The following TIMELESS variants were observed in gnomAD, a reference collection of about 807,000 sequenced individuals.
TIMELESS encodes the protein timeless circadian regulator.
A neutral mutation model predicts 164.3 loss-of-function variants in TIMELESS; 124 were observed. The observed-to-expected ratio is 0.75, with a 90% CI of 0.65 to 0.88. The LOEUF is 0.88. Ranked by LOEUF, TIMELESS falls within the 40% of genes least tolerant of loss-of-function variation. The pLI, the probability that TIMELESS is intolerant of heterozygous loss-of-function variation, is 0.00. For synonymous variants in TIMELESS, 564 were observed against 563.4 expected, an observed-to-expected ratio of 1.00 and a Z score of -0.02; for missense variants, 1,422 against 1,491.4, an observed-to-expected ratio of 0.95 and a Z score of 0.77.
chr12:56,448,661 G>A (rs1290149486), intron 1 of TIMELESS, among the ~76,000 whole-genome samples: 3 of 151,960 alleles, frequency 2.0e-5, no homozygotes, highest in Admixed American at 1.3e-4. Flanking sequence ...CCCGGGAGGC[G>A]GAGGTTGCAG....
At chr12:56,429,203 A>ATTTT in intron 10 of TIMELESS, 103 bp from the exon 11 acceptor site, 1 of 925,424 alleles carries the variant, frequency 1.1e-6, no homozygotes, top group Non-Finnish European at 1.5e-6. Context: ...CACCGTCATA[A>ATTTT]TTTTTTTTTT....
In TIMELESS at chr12:56,433,799, G is replaced by A; in HGVS notation, c.225C>T (p.Asp75=). 6.2e-7 allele frequency: 1 copy of A among 1,608,548 alleles called. No homozygotes were observed. Among genetic ancestry groups the A allele is most frequent in the Non-Finnish European group, 8.5e-7 (1 of 1,178,690 alleles). Residue 75 remains aspartate, a synonymous_variant, in exon 3 of 29, where the codon GAC becomes GAT. Coordinates refer to ENST00000553532, the MANE Select transcript of TIMELESS (RefSeq NM_003920.5). ...LLPILTQHHQ[D]KPLFDAVIRL... ...TGATAACAGCATCAAAGAGAGGCTT[G>A]TCCTGGTGGTGCTGGGTGAGGATGG...
At chr12:56,431,627 G>A (rs201283257) in intron 7 of TIMELESS, 23 bp from the exon 8 acceptor site, 2 of 1,603,776 alleles carry the variant, frequency 1.2e-6, no homozygotes, top group African/African-American at 2.7e-5. Context: ...AAAGAGGGAA[G>A]AATCAGGAGG....
Position 56,420,840 on chromosome 12 carries a change from G to T in TIMELESS, c.3082C>A (p.Arg1028=). 1 of 1,614,164 alleles carries T rather than the reference G, an allele frequency of 6.2e-7. No individual in the cohort carries two copies. The highest frequency in any genetic ancestry group is 1.1e-5 in the South Asian group (1 of 91,080). Residue 1028 remains arginine, a synonymous_variant, in exon 25 of 29, where the codon CGA becomes AGA. Transcript: ENST00000553532. Reference sequence around the variant, plus strand: ...TCCTCTTCCCGATCATCAGCTGCTCGGATCAGGCAGTTCTGGAGCCATAGG... The same window carrying T: ...TCCTCTTCCCGATCATCAGCTGCTCTGATCAGGCAGTTCTGGAGCCATAGG... ...PLLWLQNCLI[R]AADDREEDGC... is the part of the protein sequence containing the mutation.
Position 56,421,476 on chromosome 12 carries a change from T to G in TIMELESS, c.2743A>C (p.Met915Leu). 6.2e-7 allele frequency: 1 copy of G among 1,613,690 alleles called. No homozygotes were observed. Among genetic ancestry groups the G allele is most frequent in the South Asian group, 1.1e-5 (1 of 91,054 alleles). The part of the protein sequence containing the change: ...RDSDDVLGHI[M>L]KNITAKRSRA... ...GAGCGTTTGGCTGTGATATTCTTCA[T>G]GATATGACCCAGGACATCTATAAAA... is the stretch of plus-strand genomic sequence containing the variant. The change falls in exon 23 of 29, where the codon ATG (methionine) becomes CTG (leucine). Residue 915 changes from methionine to leucine, a missense_variant. Met to Leu is a conservative substitution (Grantham distance 15). Coordinates refer to ENST00000553532, the MANE Select transcript of TIMELESS (RefSeq NM_003920.5).
At chr12:56,433,209 A>G in intron 5 of TIMELESS, 82 bp from the exon 6 acceptor site, 5 of 1,462,112 alleles carry the variant, frequency 3.4e-6, no homozygotes. Context: ...CAGGCATAGA[A>G]GAGAAGCAGG....
In TIMELESS at chr12:56,422,820, C is replaced by T. The variant is rs770738939; in HGVS notation, c.2438+27G>A. ...CTGCATCAAACTTCCCCTACCCCCA[C>T]CCACCCTTTGCCAACTTCAAGCTCA... On this transcript the variant is annotated intron_variant, in intron 19 of 28. Transcript: ENST00000553532. 13 of 1,552,436 alleles carry T rather than the reference C, an allele frequency of 8.4e-6. 1 individual carries two copies. In the Admixed American group the frequency reaches 8.9e-5, roughly 11 times the overall value.
chr12:56,429,155 C>T, intron 10 of TIMELESS, 55 bp from the exon 11 acceptor site: 3 of 1,491,812 alleles, frequency 2.0e-6, no homozygotes, highest in South Asian at 2.4e-5. Context: ...CTTCCAACTT[C>T]TTCCTTCCTG....
At chr12:56,438,559 C>T (rs1416522010) in intron 1 of TIMELESS, among the ~76,000 whole-genome samples, 1 of 151,292 alleles carries the variant, frequency 6.6e-6, no homozygotes, top group Non-Finnish European at 1.5e-5. Flanking sequence ...ATCACTTGAG[C>T]CCAGGAGTTT....
At chr12:56,421,253 A>G in intron 23 of TIMELESS, 98 bp downstream of exon 23, 1 of 1,581,738 alleles carries the variant, frequency 6.3e-7, no homozygotes, top group Non-Finnish European at 8.6e-7. Context: ...GGACCTGGTC[A>G]GAACAGCCTC....
rs565170858 is a variant in TIMELESS at position 56,423,056 on chromosome 12, T to C, written c.2293-64A>G. The C allele has an allele frequency of 3.8e-6, 6 of 1,559,818 alleles. No homozygotes were observed. The Admixed American group carries it at 9.3e-5, about 24-fold the overall frequency. Reference sequence around the variant, plus strand: ...CAATGCAGACCCGAACCTGGCCCTCTAGGTATTTTCTCTATAGCTGTTCCC... The same window carrying C: ...CAATGCAGACCCGAACCTGGCCCTCCAGGTATTTTCTCTATAGCTGTTCCC... On this transcript the variant is annotated intron_variant, in intron 18 of 28. Coordinates refer to ENST00000553532, the MANE Select transcript of TIMELESS (RefSeq NM_003920.5).
Position 56,423,903 on chromosome 12 carries a change from CAGAT to C in TIMELESS, c.1869-13_1869-10del, listed in dbSNP as rs758605815. The C allele has an allele frequency of 6.2e-7, 1 of 1,612,908 alleles. No individual in the cohort carries two copies. Among genetic ancestry groups the C allele is most frequent in the Non-Finnish European group, 8.5e-7 (1 of 1,179,254 alleles). On this transcript the variant is annotated splice_polypyrimidine_tract_variant and intron_variant, in intron 15 of 28. Coordinates refer to ENST00000553532, the MANE Select transcript of TIMELESS (RefSeq NM_003920.5). ...CTTCAGGCCACACCTCCCTGGAGCA[CAGAT>C]AGAAAAAAGGCTTTACCCAGGGGAA...
At position 56,423,420 on chromosome 12, in the gene TIMELESS, G is replaced by C. The variant is rs1353559049; in HGVS notation, c.2146C>G (p.Gln716Glu). 3 of 1,614,014 alleles carry C rather than the reference G, an allele frequency of 1.9e-6. No individual in the cohort carries two copies. The highest frequency in any genetic ancestry group is 2.5e-6 in the Non-Finnish European group (3 of 1,180,048). ...CAATGGTTAGTGTGGGCACTATTCT[G>C]CTGGTAGCTCCTTAGTAGCAGCACA... ...AYVLLLRSYQ[Q>E]NSAHTNHCIV... Residue 716 changes from glutamine (Q) to glutamate (E), a missense_variant, in exon 18 of 29, where the codon CAG (glutamine) becomes GAG (glutamate). By Grantham distance (29) the Gln-to-Glu change is conservative. Transcript: ENST00000553532.
At chr12:56,422,457 A>G (rs1881529812) in intron 19 of TIMELESS, among the ~76,000 whole-genome samples, 1 of 152,204 alleles carries the variant, frequency 6.6e-6, no homozygotes, top group African/African-American at 2.4e-5. Context: ...TATGGGAAAA[A>G]GAGACTAAGT....
chr12:56,420,784 T>C, intron 25 of TIMELESS, 29 bp downstream of exon 25: 2 of 1,614,038 alleles, frequency 1.2e-6, no homozygotes, highest in Non-Finnish European at 8.5e-7. Context: ...CCAGGGCTCT[T>C]CTCCTAAAAG....
chr12:56,420,032 A>AAAAAAC, intron 26 of TIMELESS, among the ~76,000 whole-genome samples: 1 of 69,892 alleles, frequency 1.4e-5, no homozygotes, highest in African/African-American at 6.2e-5. Context: ...AAAAAAAAAT[A>AAAAAAC]TATATATATA....
At position 56,424,240 on chromosome 12, in the gene TIMELESS, C is replaced by T. The variant is rs567782545; in HGVS notation, c.1869-346G>A. Among the ~76,000 whole-genome samples, 3 of 152,268 alleles carry T rather than the reference C, an allele frequency of 2.0e-5. No individual in the cohort carries two copies. In the East Asian group the frequency reaches 5.8e-4, roughly 29 times the overall value. On this transcript the variant is annotated intron_variant, in intron 15 of 28. Coordinates refer to ENST00000553532, the MANE Select transcript of TIMELESS (RefSeq NM_003920.5). ...TGAGAAGTGAAAAATTACTATAAAT[C>T]AGCATGTACAGTATTTCATTTTTGT...
rs766698814 is a variant in TIMELESS at position 56,428,902 on chromosome 12, C to T, written c.1285G>A (p.Ala429Thr). The change falls in exon 11 of 29, where the codon GCT becomes ACT. Residue 429 changes from alanine to threonine, a missense_variant. Physicochemically the swap from Ala to Thr is moderately conservative, Grantham distance 58 (BLOSUM62 0). Coordinates refer to ENST00000553532, the MANE Select transcript of TIMELESS (RefSeq NM_003920.5). ...YEMMLTDRKE[A>T]ASWARRMHLA... ...ACTCACCGGCGTGCCCAGGAGGCAG[C>T]TTCCTTGCGGTCAGTCAGCATCATC... The T allele has an allele frequency of 8.1e-6, 13 of 1,613,794 alleles. No homozygotes were observed. The highest frequency in any genetic ancestry group is 1.1e-5 in the Non-Finnish European group (13 of 1,180,044).
rs765592448 is a variant in TIMELESS at position 56,433,450 on chromosome 12, A to G, written c.367-7T>C. On this transcript the variant is annotated splice_polypyrimidine_tract_variant and splice_region_variant and intron_variant, in intron 4 of 28. Transcript: ENST00000553532. ...CCTTCTCACTGGCAAAGGCCTGTGA[A>G]ATAGGGAACCTGATCTTAAGTAGCA... The G allele has an allele frequency of 9.0e-5, 145 of 1,614,074 alleles. No individual in the cohort carries two copies. The highest frequency in any genetic ancestry group is 1.7e-5 in the Non-Finnish European group (20 of 1,180,016).
Sources: gnomAD v4.1 joint callset for allele counts (sites outside exome capture counted in the v4.1 genomes callset) on GRCh38, gnomAD v4.1.1 for gene constraint, MANE v1.5 for transcripts, NCBI Gene and HGNC (gene_info 2026-07-23, HGNC 2026-07-21) for gene names.